SLC36A1: variants seen among roughly 807,000 people sequenced by gnomAD.
SLC36A1 encodes proton-coupled amino acid transporter 1.
In SLC36A1, 30 loss-of-function variants were observed where a neutral mutation model predicts 47.5. The observed-to-expected ratio is 0.63, with a 90% CI of 0.47 to 0.86. The LOEUF (loss-of-function observed/expected upper bound fraction) is 0.86, where lower values mean the gene tolerates loss of function less well. Among genes scored for constraint, SLC36A1 ranks in the 40% least tolerant of loss-of-function variants. The probability of loss-of-function intolerance (pLI) is 0.00; values close to 1 mark genes in which losing one functional copy is unlikely to be tolerated. For synonymous variants in SLC36A1, 255 were observed against 249.7 expected (o/e 1.02, Z -0.20); for missense variants, 517 against 606.0 (o/e 0.85, Z 1.54).
chr5:151,364,493 C>T, the SLC36A1 span, among the ~76,000 whole-genome samples: 5 of 152,194 alleles, frequency 3.3e-5, no homozygotes, highest in African/African-American at 1.2e-4. Context: ...TTGGTATTGT[C>T]TGCCTCTTTG....
rs760697559 is a variant in SLC36A1 at position 151,488,371 on chromosome 5, AC to A, written c.*121del. Reference sequence around the variant, plus strand: ...GGAAAGTCAGGGTTGCTGTGTGGGAACCCCTCTGCCTGGCACCTGGATACCC... The same window carrying A: ...GGAAAGTCAGGGTTGCTGTGTGGGAACCCTCTGCCTGGCACCTGGATACCC... On this transcript the variant is annotated 3_prime_UTR_variant, in exon 11 of 11. Transcript: ENST00000243389. 5.2e-6 allele frequency: 7 copies of A among 1,349,982 alleles called. No homozygotes were observed. The highest frequency in any genetic ancestry group is 7.0e-6 in the Non-Finnish European group (7 of 997,832). 83.6% of individuals were successfully genotyped at this position (1,349,982 alleles called of 1,614,324 possible).
downstream of SLC36A1, among the ~76,000 whole-genome samples, chr5:151,492,799 A>G (rs1760219421): frequency 1.3e-5 from 2 of 152,256 alleles, no homozygotes; most frequent in East Asian, 1.9e-4. Context: ...GGTTTTCTCA[A>G]TATTGTGGGT....
chr5:151,348,193 C>T, the SLC36A1 span, among the ~76,000 whole-genome samples: 1 of 152,066 alleles, frequency 6.6e-6, no homozygotes, highest in Non-Finnish European at 1.5e-5. Flanking sequence ...CTTCTGGAAA[C>T]GGGGAAGAGG....
chr5:151,429,071 A>G, the SLC36A1 span, among the ~76,000 whole-genome samples: 1 of 152,232 alleles, frequency 6.6e-6, no homozygotes, highest in African/African-American at 2.4e-5. Flanking sequence ...GATTGTAGGG[A>G]GAAATCCCAG....
intron 1 of SLC36A1, among the ~76,000 whole-genome samples, chr5:151,441,850 C>CACAATATATTTCATCACCACAA (rs1243254332): frequency 6.6e-6 from 1 of 152,094 alleles, no homozygotes; most frequent in Non-Finnish European, 1.5e-5. Flanking sequence ...ATATATTCAC[C>CACAATATATTTCATCACCACAA]TGTGAAATCA....
chr5:151,531,895 A>AC, the SLC36A1 span: 2 of 1,614,076 alleles, frequency 1.2e-6, no homozygotes, highest in Non-Finnish European at 1.7e-6. The surrounding 1 kb of genome is among the most constrained non-coding windows in gnomAD (Gnocchi z 5.7). Context: ...CAGGCGGATC[A>AC]CCCCCGTGGT....
At chr5:151,464,064 C>A (rs1755976038) in intron 3 of SLC36A1, among the ~76,000 whole-genome samples, 3 of 152,212 alleles carry the variant, frequency 2.0e-5, no homozygotes, top group Admixed American at 1.3e-4. Context: ...CTCCAGTTGA[C>A]TGCCTGCCCA....
At chr5:151,479,874 A>G in intron 10 of SLC36A1, 1 of 520,322 alleles carries the variant, frequency 1.9e-6, no homozygotes, top group East Asian at 3.1e-5. Context: ...TGCTTTTTCA[A>G]ATAGTTGTTT....
At chr5:151,414,963 G>C in the SLC36A1 span, among the ~76,000 whole-genome samples, 1 of 151,592 alleles carries the variant, frequency 6.6e-6, no homozygotes, top group African/African-American at 2.4e-5. Flanking sequence ...ACCCTGGCAG[G>C]CTCATTACAT....
chr5:151,445,521 G>A (rs1752865883), upstream of SLC36A1, among the ~76,000 whole-genome samples: 1 of 152,180 alleles, frequency 6.6e-6, no homozygotes, highest in Admixed American at 6.5e-5. Context: ...ATTCCCTCTA[G>A]CTCCATTTTT....
chr5:151,384,465 G>T, the SLC36A1 span, among the ~76,000 whole-genome samples: 33 of 152,196 alleles, frequency 2.2e-4, no homozygotes, highest in South Asian at 6.4e-3. Flanking sequence ...TATTTTCAAG[G>T]CAAACATATA....
the SLC36A1 span, among the ~76,000 whole-genome samples, chr5:151,534,970 A>ATATAT: frequency 2.1e-4 from 22 of 106,390 alleles, no homozygotes; most frequent in Non-Finnish European, 4.3e-4. Context: ...CTTCTAGGAA[A>ATATAT]ATATATATAT....
chr5:151,554,213 T>C, the SLC36A1 span: 4 of 720,410 alleles, frequency 5.6e-6, no homozygotes, highest in Non-Finnish European at 9.0e-6. Flanking sequence ...TGGCTGAAGC[T>C]GAGACTCCCA....
intron 1 of SLC36A1, among the ~76,000 whole-genome samples, chr5:151,454,709 G>GTT (rs1561730689): frequency 7.0e-5 from 7 of 99,562 alleles, no homozygotes; most frequent in African/African-American, 3.3e-4. Context: ...CCATGTGACA[G>GTT]CTTTTTTTTT....
chr5:151,529,311 G>T, the SLC36A1 span: 1 of 1,613,948 alleles, frequency 6.2e-7, no homozygotes, highest in Non-Finnish European at 8.5e-7. Context: ...GAGGGAAGAG[G>T]AGCTCTTCCG....
chr5:151,488,336 C>A lies in SLC36A1; in HGVS notation c.*82C>A. ...TGTCCTCAGAGCCTCAGGTATGGTCCAGGCTCTGAGGAAAGTCAGGGTTGC... is the reference window on the plus strand; with the variant it reads ...TGTCCTCAGAGCCTCAGGTATGGTCAAGGCTCTGAGGAAAGTCAGGGTTGC... On this transcript the variant is annotated 3_prime_UTR_variant, in exon 11 of 11. Coordinates refer to ENST00000243389, the MANE Select transcript of SLC36A1 (RefSeq NM_078483.4). 1 of 1,515,024 alleles carries A rather than the reference C, an allele frequency of 6.6e-7. No homozygotes were observed. Among genetic ancestry groups the A allele is most frequent in the Non-Finnish European group, 8.9e-7 (1 of 1,121,836 alleles). The allele number at this position is 1,515,024 out of a possible 1,614,324, so 93.8% of individuals were successfully genotyped here. A position where few individuals can be genotyped will look rare whatever the true frequency, so the allele number is the denominator to read the frequency against.
the SLC36A1 span, among the ~76,000 whole-genome samples, chr5:151,546,597 C>T: frequency 1.3e-5 from 2 of 152,160 alleles, no homozygotes; most frequent in Non-Finnish European, 1.5e-5. Flanking sequence ...AAAGCTATAG[C>T]AGGTCTTTGA....
downstream of SLC36A1, among the ~76,000 whole-genome samples, chr5:151,496,311 T>G (rs1760339446): frequency 6.6e-6 from 1 of 152,234 alleles, no homozygotes; most frequent in Non-Finnish European, 1.5e-5. Context: ...CTCAGCTATG[T>G]GGAACTGTAA....
the SLC36A1 span, among the ~76,000 whole-genome samples, chr5:151,418,209 A>G: frequency 6.6e-6 from 1 of 152,244 alleles, no homozygotes; most frequent in Non-Finnish European, 1.5e-5. Context: ...AACCTCTGCT[A>G]GGGCAGTGAG....
Sources: allele counts gnomAD v4.1 joint callset (sites outside exome capture counted in the v4.1 genomes callset), GRCh38; gene constraint gnomAD v4.1.1; non-coding constraint Gnocchi (gnomAD v3.1); transcripts MANE v1.5; gene names NCBI Gene and HGNC (gene_info 2026-07-23, HGNC 2026-07-21).